Variants in DGKZ observed in about 807,000 individuals in gnomAD.
DGKZ encodes the protein DAG kinase zeta.
Under a neutral mutation model 142.5 loss-of-function variants are expected in DGKZ, and 45 were observed. That is an observed-to-expected ratio of 0.32 (90% CI 0.25 to 0.40). The LOEUF is 0.40. Among genes scored for constraint, DGKZ ranks in the 10% least tolerant of loss-of-function variants. The pLI is 1.00. For missense variants in DGKZ, 755 were observed against 1,306.5 expected (o/e 0.58, Z 6.51); for synonymous variants, 442 against 527.0 (o/e 0.84, Z 2.21).
intron 4 of DGKZ, chr11:46,369,151 G>C (rs1390954028): frequency 2.8e-6 from 1 of 361,258 alleles, no homozygotes; most frequent in African/African-American, 2.1e-5. Flanking sequence ...ACTCCAGCCT[G>C]GGCAACAGAG....
intron 1 of DGKZ, among the ~76,000 whole-genome samples, chr11:46,349,716 A>G (rs545616455): frequency 2.0e-5 from 3 of 152,286 alleles, no homozygotes; most frequent in South Asian, 2.1e-4. Flanking sequence ...CTCCATTTTT[A>G]TAGATGAAAG....
At chr11:46,339,216 C>T (rs1029931965) in intron 1 of DGKZ, among the ~76,000 whole-genome samples, 1 of 152,188 alleles carries the variant, frequency 6.6e-6, no homozygotes, top group African/African-American at 2.4e-5. Flanking sequence ...CTCCCTGCGG[C>T]TATTTACCAG....
chr11:46,364,521 TC>T, intron 1 of DGKZ: 3 of 1,208,186 alleles, frequency 2.5e-6, no homozygotes, highest in Non-Finnish European at 3.2e-6. Flanking sequence ...TGCCCTGACC[TC>T]CCTGTCATCT....
intron 1 of DGKZ, among the ~76,000 whole-genome samples, chr11:46,358,841 G>T (rs574705546): frequency 1.3e-5 from 2 of 152,098 alleles, no homozygotes; most frequent in South Asian, 4.1e-4. Context: ...GTGATTTTTG[G>T]TATTGTATAA....
exon 30 of DGKZ, chr11:46,379,525 A>G (rs764280553): frequency 1.6e-5 from 25 of 1,611,680 alleles, no homozygotes; most frequent in Non-Finnish European, 2.1e-5. Flanking sequence ...ATCTGCCACT[A>G]CATCGTGGAG....
Position 46,367,483 on chromosome 11 carries a change from C to A in DGKZ, c.270+84C>A. 6.8e-7 allele frequency: 1 copy of A among 1,467,610 alleles called. No individual in the cohort carries two copies. Among genetic ancestry groups the A allele is most frequent in the Non-Finnish European group, 9.3e-7 (1 of 1,071,974 alleles). 90.9% of individuals were successfully genotyped at this position (1,467,610 alleles called of 1,614,324 possible). A position where few individuals can be genotyped will look rare whatever the true frequency, so the allele number is the denominator to read the frequency against. Reference sequence around the variant, plus strand: ...TGGCGGGTGGAGGCACTAAAGGCAGCTGGGAGAGCCAAGCCTGGAAGGGTT... The same window carrying A: ...TGGCGGGTGGAGGCACTAAAGGCAGATGGGAGAGCCAAGCCTGGAAGGGTT... On this transcript the variant is annotated intron_variant, in intron 2 of 30. Transcript: ENST00000527911. The surrounding 1 kb of genome is among the most constrained non-coding windows in gnomAD (Gnocchi z 4.1).
At chr11:46,353,913 G>A (rs999528770) in intron 1 of DGKZ, among the ~76,000 whole-genome samples, 4 of 152,222 alleles carry the variant, frequency 2.6e-5, no homozygotes, top group African/African-American at 4.8e-5. Context: ...AGCATCTCGC[G>A]GGTTAACAGC....
rs1398870374 is a variant in DGKZ at position 46,378,386 on chromosome 11, TC to T, written c.2375-69del. On this transcript the variant is annotated intron_variant, in intron 26 of 30. Coordinates refer to ENST00000527911, the Ensembl canonical transcript of DGKZ. The stretch of plus-strand genomic sequence containing the variant: ...GGGCACACATGCCTGGCCGGCACAG[TC>T]CTGTCCACTGAGGCACCAACCCAAG... 1.2e-5 allele frequency: 19 copies of T among 1,555,424 alleles called. No homozygotes were observed. The African/African-American group carries it at 2.6e-4, about 21-fold the overall frequency.
intron 27 of DGKZ, 185 bp from the exon 28 acceptor site, chr11:46,378,806 G>A: frequency 1.9e-6 from 2 of 1,047,242 alleles, no homozygotes; most frequent in East Asian, 2.6e-5. Flanking sequence ...CCCACAGGCT[G>A]TGGGGTGAGA....
chr11:46,343,587 T>C (rs1264207847), upstream of DGKZ, among the ~76,000 whole-genome samples: 2 of 151,958 alleles, frequency 1.3e-5, no homozygotes, highest in African/African-American at 4.8e-5. Context: ...GAATAAAGAG[T>C]GAATATATGC....
intron 25 of DGKZ, chr11:46,377,488 C>G (rs1378842484): frequency 4.0e-6 from 2 of 502,762 alleles, no homozygotes; most frequent in East Asian, 7.0e-5. Context: ...CACTCCTCCC[C>G]ACCCCTACTG....
chr11:46,373,274 GT>G (rs1013613075), intron 14 of DGKZ, among the ~76,000 whole-genome samples, 173 bp downstream of exon 14: 11 of 120,910 alleles, frequency 9.1e-5, no homozygotes, highest in East Asian at 2.5e-4. Flanking sequence ...TTTTTTCTGT[GT>G]TTTTTTTTTG....
chr11:46,368,156 T>A (rs1052860003), intron 4 of DGKZ, 77 bp downstream of exon 4: 4 of 1,492,034 alleles, frequency 2.7e-6, no homozygotes, highest in African/African-American at 2.8e-5. Flanking sequence ...CACACCCACA[T>A]GTTATACAAA....
At chr11:46,368,185 C>A (rs750940627) in intron 4 of DGKZ, 106 bp downstream of exon 4, 1 of 1,212,298 alleles carries the variant, frequency 8.2e-7, no homozygotes, top group East Asian at 2.5e-5. Flanking sequence ...CAGGAGTGAC[C>A]CAGCACTCGG....
At chr11:46,373,062 G>A in exon 14 of DGKZ, 1 of 1,544,100 alleles carries the variant, frequency 6.5e-7, no homozygotes, top group Non-Finnish European at 8.7e-7. Context: ...CCAACCCCGA[G>A]GCAGGGCCTG....
chr11:46,341,929 C>T (rs1940298146), intron 1 of DGKZ, among the ~76,000 whole-genome samples: 2 of 152,166 alleles, frequency 1.3e-5, no homozygotes, highest in Admixed American at 6.5e-5. Context: ...AAAGCAAGAA[C>T]AGCCAGAGAA....
chr11:46,349,126 C>G (rs1053510823), intron 1 of DGKZ, among the ~76,000 whole-genome samples: 1 of 152,260 alleles, frequency 6.6e-6, no homozygotes, highest in African/African-American at 2.4e-5. Context: ...CACCTGCACT[C>G]TGTCTCTGAG....
intron 1 of DGKZ, among the ~76,000 whole-genome samples, chr11:46,357,972 A>C (rs1365094194): frequency 6.6e-6 from 1 of 152,242 alleles, no homozygotes; most frequent in Non-Finnish European, 1.5e-5. Context: ...CAGGAGGCTT[A>C]GTGCCACACC....
chr11:46,378,546 G>A (rs1944825263), intron 27 of DGKZ, 46 bp downstream of exon 27: 1 of 1,612,218 alleles, frequency 6.2e-7, no homozygotes, highest in Non-Finnish European at 8.5e-7. Context: ...GCTCCCTCGG[G>A]CCCTGGGGAG....
Sources: allele counts gnomAD v4.1 joint callset (sites outside exome capture counted in the v4.1 genomes callset), GRCh38; gene constraint gnomAD v4.1.1; non-coding constraint Gnocchi (gnomAD v3.1); transcripts MANE v1.5; gene names NCBI Gene and HGNC (gene_info 2026-07-23, HGNC 2026-07-21).